AVEN: variants seen among roughly 807,000 people sequenced by gnomAD.
AVEN encodes the protein apoptosis and caspase activation inhibitor, also known as cell death regulator Aven.
A neutral mutation model predicts 38.1 loss-of-function variants in AVEN; 41 were observed. The ratio of observed to expected loss-of-function variants is 1.08; its 90% CI spans 0.84 to 1.40. AVEN has a LOEUF of 1.40. Among genes scored for constraint, AVEN ranks in the 40% most tolerant of loss-of-function variants. The pLI, the probability that AVEN is intolerant of heterozygous loss-of-function variation, is 0.00. For missense variants in AVEN, 605 were observed against 438.8 expected (o/e 1.38, Z -3.38); for synonymous variants, 206 against 171.8 (o/e 1.20, Z -1.56).
intron 2 of AVEN, among the ~76,000 whole-genome samples, chr15:33,916,648 A>C (rs1435506616): frequency 6.6e-6 from 1 of 152,144 alleles, no homozygotes; most frequent in Non-Finnish European, 1.5e-5. Context: ...ATACTACATT[A>C]CTCCTGCAAG....
Position 33,944,727 on chromosome 15 carries a change from T to G in AVEN, c.445+58305A>C, listed in dbSNP as rs1311271705. On this transcript the variant is annotated intron_variant, in intron 2 of 5. Coordinates refer to ENST00000306730, the MANE Select transcript of AVEN (RefSeq NM_020371.3). ...GGGAGGCTGAGGCAGGAGAATGGCA[T>G]GAACTCGGGAGGCGGAACTTGCAGT... 2.6e-5 allele frequency among the ~76,000 whole-genome samples: 4 copies of G among 151,636 alleles called. No individual in the cohort carries two copies. In the East Asian group the frequency reaches 7.8e-4, roughly 29 times the overall value.
At chr15:33,955,992 T>C in intron 2 of AVEN, among the ~76,000 whole-genome samples, 1 of 152,222 alleles carries the variant, frequency 6.6e-6, no homozygotes, top group Admixed American at 6.5e-5. Context: ...TGTTAAATTT[T>C]CATTCCATTA....
In AVEN at chr15:33,866,608, C is replaced by G; in HGVS notation, c.*5G>C. The G allele has an allele frequency of 6.2e-7, 1 of 1,610,408 alleles. No individual in the cohort carries two copies. The highest frequency in any genetic ancestry group is 2.2e-5 in the East Asian group (1 of 44,844). The stretch of plus-strand genomic sequence containing the variant: ...GATTTGCTTCAGGCACTTTTTTTCC[C>G]CTTTTTAGGAAATCATGCTGTCCAA... On this transcript the variant is annotated 3_prime_UTR_variant, in exon 6 of 6. Transcript: ENST00000306730.
chr15:33,916,798 G>C (rs1260886122), intron 2 of AVEN, among the ~76,000 whole-genome samples: 2 of 151,880 alleles, frequency 1.3e-5, no homozygotes, highest in African/African-American at 4.8e-5. Flanking sequence ...TAAAAAACTG[G>C]TGAGACTGGG....
chr15:33,860,982 GT>G, intron 11 of AVEN: 1 of 1,010,712 alleles, frequency 9.9e-7, no homozygotes. Context: ...TAGAAAGAAA[GT>G]TTTCATTATC....
chr15:33,916,353 C>T (rs557033111), intron 2 of AVEN, among the ~76,000 whole-genome samples: 1 of 152,300 alleles, frequency 6.6e-6, no homozygotes, highest in South Asian at 2.1e-4. Context: ...CATAACAGGA[C>T]TCTGTGCAGA....
chr15:33,854,562 A>AT, downstream of AVEN: 3 of 1,074,906 alleles, frequency 2.8e-6, 1 homozygote, highest in South Asian at 4.8e-5. Flanking sequence ...TCAAAGACCA[A>AT]GAGCCTTATA....
chr15:33,867,777 C>A lies in AVEN; in HGVS notation c.691G>T (p.Gly231Trp). The change falls in exon 5 of 6, where the codon GGG (glycine) becomes TGG (tryptophan). Residue 231 changes from glycine to tryptophan, a missense_variant. Coordinates refer to ENST00000306730, the MANE Select transcript of AVEN (RefSeq NM_020371.3). The stretch of plus-strand genomic sequence containing the variant: ...CCCCTTCCTCCAGGCCCCAAGGGCC[C>A]CTTTAACTGCATCCCTAATCCCTTG... ...DGKGLGMQLKGPLGPGGRGPI... is the reference protein window; with the variant it reads ...DGKGLGMQLKWPLGPGGRGPI... The A allele has an allele frequency of 6.2e-7, 1 of 1,614,108 alleles. No individual in the cohort carries two copies. Among genetic ancestry groups the A allele is most frequent in the Non-Finnish European group, 8.5e-7 (1 of 1,179,994 alleles).
intron 2 of AVEN, among the ~76,000 whole-genome samples, chr15:33,932,223 A>T (rs533286519): frequency 2.0e-5 from 3 of 152,238 alleles, no homozygotes; most frequent in Admixed American, 1.3e-4. Context: ...CTTATACTAA[A>T]TAACATATAC....
chr15:33,915,094 C>T (rs1056224270), intron 2 of AVEN, among the ~76,000 whole-genome samples: 1 of 152,080 alleles, frequency 6.6e-6, no homozygotes, highest in African/African-American at 2.4e-5. Context: ...CTGGCCAAGT[C>T]TGGGGCAATT....
intron 2 of AVEN, among the ~76,000 whole-genome samples, chr15:33,884,796 G>C (rs915553575): frequency 1.3e-5 from 2 of 152,160 alleles, no homozygotes; most frequent in Admixed American, 6.5e-5. Context: ...CTTTCAGAAT[G>C]AACAATACAG....
intron 2 of AVEN, among the ~76,000 whole-genome samples, chr15:33,923,299 T>A (rs1055649281): frequency 2.0e-5 from 3 of 152,236 alleles, no homozygotes; most frequent in Non-Finnish European, 4.4e-5. Flanking sequence ...TTGAAACATA[T>A]GTTTAACTCC....
chr15:33,889,610 A>G (rs1420885225), intron 2 of AVEN, among the ~76,000 whole-genome samples: 1 of 152,030 alleles, frequency 6.6e-6, no homozygotes, highest in African/African-American at 2.4e-5. Flanking sequence ...AAAAATACGC[A>G]TCCAACTTGC....
downstream of AVEN, chr15:33,857,664 A>AT: frequency 7.5e-7 from 1 of 1,335,994 alleles, no homozygotes; most frequent in Non-Finnish European, 1.0e-6. Context: ...CCCCTTCCCC[A>AT]TTTCCTCTCC....
intron 1 of AVEN, among the ~76,000 whole-genome samples, chr15:34,030,336 T>C (rs1898717120): frequency 6.6e-6 from 1 of 152,066 alleles, no homozygotes; most frequent in African/African-American, 2.4e-5. Context: ...ATACTAGGTT[T>C]TGGGGGGTTT....
intron 1 of AVEN, among the ~76,000 whole-genome samples, chr15:34,032,016 C>T (rs78490518): frequency 0.02 from 2,122 of 107,158 alleles, 56 homozygotes; most frequent in South Asian, 0.061. Context: ...CACATACGCG[C>T]GCACACGCAC....
chr15:34,042,503 C>T (rs549857874), upstream of AVEN, among the ~76,000 whole-genome samples: 3 of 150,372 alleles, frequency 2.0e-5, no homozygotes, highest in African/African-American at 4.9e-5. Context: ...CAGGTTCAAG[C>T]GATTCTCCTG....
At chr15:33,862,867 T>C (rs1888907363), downstream of AVEN, among the ~76,000 whole-genome samples, 1 of 152,226 alleles carries the variant, frequency 6.6e-6, no homozygotes, top group African/African-American at 2.4e-5. Flanking sequence ...TGCCTTGGCC[T>C]CAGCCTCCCA....
chr15:33,961,810 C>A (rs1895196862), intron 2 of AVEN, among the ~76,000 whole-genome samples: 2 of 36,290 alleles, frequency 5.5e-5, no homozygotes, highest in East Asian at 1.7e-3. Context: ...GAGACTCTGT[C>A]TCAAAAAAAA....
Sources: gnomAD v4.1 joint callset for allele counts (sites outside exome capture counted in the v4.1 genomes callset) on GRCh38, gnomAD v4.1.1 for gene constraint, MANE v1.5 for transcripts, NCBI Gene and HGNC (gene_info 2026-07-23, HGNC 2026-07-21) for gene names.